Variants in CNTN5 observed in about 807,000 individuals in gnomAD.
CNTN5 encodes the protein contactin 5.
A neutral mutation model predicts 129.1 loss-of-function variants in CNTN5; 77 were observed. That is an observed-to-expected ratio of 0.60 (90% CI 0.50 to 0.72). The LOEUF (loss-of-function observed/expected upper bound fraction) is 0.72, where lower values mean the gene tolerates loss of function less well. Ranked by LOEUF, CNTN5 falls within the 30% of genes least tolerant of loss-of-function variation. The pLI is 0.00. For missense variants in CNTN5, 1,478 were observed against 1,328.8 expected (o/e 1.11, Z -1.75); for synonymous variants, 509 against 465.6 (o/e 1.09, Z -1.20).
intron 3 of CNTN5, among the ~76,000 whole-genome samples, chr11:99,648,321 CAG>C (rs1952039060): frequency 6.6e-6 from 1 of 151,476 alleles, no homozygotes; most frequent in African/African-American, 2.4e-5. Context: ...AAAAAATGTT[CAG>C]CATTACTAAT....
intron 21 of CNTN5, among the ~76,000 whole-genome samples, chr11:100,320,490 A>AT (rs1358571482): frequency 1.3e-5 from 2 of 151,762 alleles, no homozygotes; most frequent in South Asian, 4.2e-4. Context: ...ATTCTGTAGG[A>AT]TTTTTTTTCA....
At chr11:100,237,188 CA>C (rs397977189) in intron 16 of CNTN5, among the ~76,000 whole-genome samples, 845 of 71,128 alleles carry the variant, frequency 0.012, 7 homozygotes, top group African/African-American at 0.036. Flanking sequence ...GACTCCGTCT[CA>C]AAAAAAAAAA....
At chr11:99,262,450 A>G (rs1198438786) in intron 1 of CNTN5, among the ~76,000 whole-genome samples, 1 of 152,034 alleles carries the variant, frequency 6.6e-6, no homozygotes, top group Admixed American at 6.6e-5. Context: ...ACTTCTTCCC[A>G]TTATTTATTC....
chr11:99,078,942 A>T (rs1030820626), intron 1 of CNTN5, among the ~76,000 whole-genome samples: 1 of 152,184 alleles, frequency 6.6e-6, no homozygotes, highest in Non-Finnish European at 1.5e-5. Context: ...CTAAAAGAGT[A>T]TAAGTGGAAT....
At chr11:99,509,422 C>T (rs1457750254) in intron 2 of CNTN5, among the ~76,000 whole-genome samples, 1 of 152,098 alleles carries the variant, frequency 6.6e-6, no homozygotes, top group African/African-American at 2.4e-5. Flanking sequence ...AATCTCTGTG[C>T]ACATTCAAAA....
intron 4 of CNTN5, among the ~76,000 whole-genome samples, chr11:99,827,880 G>T (rs1947015988): frequency 6.6e-6 from 1 of 152,104 alleles, no homozygotes; most frequent in African/African-American, 2.4e-5. Flanking sequence ...AATAACATAT[G>T]TAGAATAGGA....
At chr11:99,428,559 C>CAA (rs60754666) in intron 2 of CNTN5, among the ~76,000 whole-genome samples, 2,280 of 57,138 alleles carry the variant, frequency 0.04, 100 homozygotes, top group East Asian at 0.26. Context: ...GACCCTGTCT[C>CAA]AAAAAAAAAA....
intron 21 of CNTN5, among the ~76,000 whole-genome samples, chr11:100,318,160 G>C (rs1591509529): frequency 6.9e-6 from 1 of 144,026 alleles, no homozygotes; most frequent in Non-Finnish European, 1.5e-5. Context: ...AGAATGGCGT[G>C]AACCCGGGAG....
rs553600912 is a variant in CNTN5, at chr11:99,531,879, G to A, written c.-70-24266G>A. Among the ~76,000 whole-genome samples the A allele has an allele frequency of 3.9e-5, 6 of 152,306 alleles. No homozygotes were observed. The South Asian group carries it at 1.2e-3, about 32-fold the overall frequency. ...CAGGCAAAAGTTTCCTGTAGGGGCG[G>A]GGCCCTACATTCTCCATTCTCATGG... On this transcript the variant is annotated intron_variant, in intron 2 of 24. Transcript: ENST00000524871.
chr11:99,734,159 T>C (rs898349287), intron 3 of CNTN5, among the ~76,000 whole-genome samples: 1 of 152,194 alleles, frequency 6.6e-6, no homozygotes, highest in Non-Finnish European at 1.5e-5. Flanking sequence ...AATTTTGATA[T>C]GGGCATACAC....
chr11:99,262,662 AC>A (rs1862695515), intron 1 of CNTN5, among the ~76,000 whole-genome samples: 1 of 151,482 alleles, frequency 6.6e-6, no homozygotes, highest in Non-Finnish European at 1.5e-5. Context: ...ATGGATGAAT[AC>A]CAAGTGAAGT....
chr11:99,864,315 C>T lies in CNTN5; in HGVS notation c.577+19053C>T, dbSNP rs75376105. 6.7e-3 allele frequency among the ~76,000 whole-genome samples: 1,022 copies of T among 151,972 alleles called. 11 individuals carry two copies. The highest frequency in any genetic ancestry group is 0.022 in the African/African-American group (915 of 41,452). ...TACTAACAGTAATACTAACAGATTA[C>T]TACTCCCTTTCTGTGCCTTCTCTTC... On this transcript the variant is annotated intron_variant, in intron 6 of 24. Transcript: ENST00000524871.
At chr11:100,279,265 T>G (rs1226465649) in intron 18 of CNTN5, among the ~76,000 whole-genome samples, 1 of 151,798 alleles carries the variant, frequency 6.6e-6, no homozygotes, top group African/African-American at 2.4e-5. Context: ...TATAGGTTTT[T>G]TTTTTCTTTT....
intron 2 of CNTN5, among the ~76,000 whole-genome samples, chr11:99,540,591 A>G (rs1211021282): frequency 6.6e-6 from 1 of 152,192 alleles, no homozygotes; most frequent in Admixed American, 6.5e-5. Flanking sequence ...ATTTTTTTCA[A>G]AGGCATGAGA....
chr11:100,350,563 C>T (rs992909170), intron 23 of CNTN5, 139 bp from the exon 24 acceptor site: 2 of 573,824 alleles, frequency 3.5e-6, no homozygotes, highest in Admixed American at 3.3e-5. Flanking sequence ...CAGTAGACTG[C>T]ACATGTATTA....
At chr11:99,078,459 C>G (rs1211126379) in intron 1 of CNTN5, among the ~76,000 whole-genome samples, 2 of 152,084 alleles carry the variant, frequency 1.3e-5, no homozygotes, top group Non-Finnish European at 2.9e-5. Flanking sequence ...ATCAGTATAT[C>G]AAAGAGATAT....
chr11:99,907,352 C>T (rs1949536184), intron 6 of CNTN5, among the ~76,000 whole-genome samples: 1 of 151,982 alleles, frequency 6.6e-6, no homozygotes, highest in African/African-American at 2.4e-5. Context: ...AGGTATAGTG[C>T]TACTTATGCT....
chr11:100,285,203 G>A (rs1950746678), intron 18 of CNTN5, among the ~76,000 whole-genome samples: 1 of 152,150 alleles, frequency 6.6e-6, no homozygotes, highest in Admixed American at 6.5e-5. Flanking sequence ...TAGTAATCAT[G>A]AAAAAGTATA....
At chr11:99,814,313 T>C (rs901549137) in intron 3 of CNTN5, among the ~76,000 whole-genome samples, 5 of 152,120 alleles carry the variant, frequency 3.3e-5, no homozygotes, top group African/African-American at 1.2e-4. Context: ...TTGCCTCTAT[T>C]TTCTTAATAA....
Sources: gnomAD v4.1 joint callset for allele counts (sites outside exome capture counted in the v4.1 genomes callset) on GRCh38, gnomAD v4.1.1 for gene constraint, MANE v1.5 for transcripts, NCBI Gene and HGNC (gene_info 2026-07-23, HGNC 2026-07-21) for gene names.